The following CD109 variants were observed in gnomAD, a reference collection of about 807,000 sequenced individuals.
CD109 encodes CD109 molecule.
A neutral mutation model predicts 165.8 loss-of-function variants in CD109; 149 were observed. The observed-to-expected ratio is 0.90, with a 90% confidence interval of 0.79 to 1.03. The LOEUF is 1.03. Ranked by LOEUF, CD109 falls within the 50% of genes least tolerant of loss-of-function variation. The probability of loss-of-function intolerance (pLI) is 0.00; values close to 1 mark genes in which losing one functional copy is unlikely to be tolerated. For missense variants in CD109, 1,712 were observed against 1,677.8 expected, an observed-to-expected ratio of 1.02 and a Z score of -0.36; for synonymous variants, 585 against 592.1, an observed-to-expected ratio of 0.99 and a Z score of 0.18.
chr6:73,729,523 TA>T (rs1772272822), intron 3 of CD109, among the ~76,000 whole-genome samples: 3 of 147,084 alleles, frequency 2.0e-5, no homozygotes, highest in East Asian at 2.0e-4. Context: ...TTATTATTAT[TA>T]TTATTATTAT....
chr6:73,682,951 G>A, the CD109 span, among the ~76,000 whole-genome samples: 1 of 152,184 alleles, frequency 6.6e-6, no homozygotes, highest in African/African-American at 2.4e-5. Context: ...ACACAGCACA[G>A]GGACCCTGGG....
intron 23 of CD109, among the ~76,000 whole-genome samples, chr6:73,800,937 T>C (rs1413578631): frequency 6.6e-6 from 1 of 152,214 alleles, no homozygotes. Flanking sequence ...GCTTATAGTG[T>C]GTTTTGCCTT....
intron 2 of CD109, among the ~76,000 whole-genome samples, chr6:73,722,328 T>G (rs1373812252): frequency 2.0e-5 from 3 of 152,160 alleles, no homozygotes; most frequent in Admixed American, 6.5e-5. Flanking sequence ...CTCATGAGAT[T>G]GATATGATTA....
rs376312210 is a variant in CD109, at chr6:73,725,709, C to T, written c.276+2430C>T. 3.6e-4 allele frequency among the ~76,000 whole-genome samples: 55 copies of T among 152,032 alleles called. No homozygotes were observed. In the East Asian group the frequency reaches 7.3e-3, roughly 20 times the overall value. ...TGTATTTTTAGTAGGGACAGAGTTTCGCCATGTTGGTCTGGCTGGTCTTGA... is the reference window on the plus strand; with the variant it reads ...TGTATTTTTAGTAGGGACAGAGTTTTGCCATGTTGGTCTGGCTGGTCTTGA... On this transcript the variant is annotated intron_variant, in intron 3 of 32. Transcript: ENST00000287097.
chr6:73,697,635 C>A (rs1191956117), intron 2 of CD109, 63 bp downstream of exon 2: 1 of 1,473,650 alleles, frequency 6.8e-7, no homozygotes. Flanking sequence ...TTAATAAGGT[C>A]ATGTGTTAGG....
At position 73,746,122 on chromosome 6, in the gene CD109, G is replaced by A. The variant is rs541659741; in HGVS notation, c.633+9614G>A. On this transcript the variant is annotated intron_variant, in intron 5 of 32. Transcript: ENST00000287097. ...CAAAGCGGCCCTATATTATCTTAAC[G>A]CAGTGCACCCAGTGGTTATATCTTA... 5.3e-5 allele frequency among the ~76,000 whole-genome samples: 8 copies of A among 152,302 alleles called. 1 individual carries two copies. In the South Asian group the frequency reaches 1.4e-3, roughly 28 times the overall value.
chr6:73,683,645 C>T, the CD109 span, among the ~76,000 whole-genome samples: 2 of 152,218 alleles, frequency 1.3e-5, no homozygotes, highest in East Asian at 3.9e-4. Context: ...TGTATTAGTC[C>T]GTTTTCACAC....
Position 73,766,155 on chromosome 6 carries a change from G to T in CD109, c.1332+1G>T, listed in dbSNP as rs1489510902. 1 of 1,611,262 alleles carries T rather than the reference G, an allele frequency of 6.2e-7. No individual in the cohort carries two copies. On this transcript the variant is annotated splice_donor_variant, in intron 11 of 32. Coordinates refer to ENST00000287097, the MANE Select transcript of CD109 (RefSeq NM_133493.5). LOFTEE classifies it high-confidence loss of function. ...GGATTCCAGTGAGCTACAGTTGAAG[G>T]TGCCGTCTGTTTCCCATCATTGTGT...
At chr6:73,733,022 G>T (rs1365525189) in intron 4 of CD109, among the ~76,000 whole-genome samples, 2 of 152,156 alleles carry the variant, frequency 1.3e-5, no homozygotes, top group Admixed American at 1.3e-4. Flanking sequence ...GGGAAGTGAT[G>T]CTCAAATGTG....
intron 4 of CD109, among the ~76,000 whole-genome samples, chr6:73,731,758 TCA>T (rs1176417323): frequency 6.6e-6 from 1 of 152,206 alleles, no homozygotes. Context: ...TTCTAGAACC[TCA>T]GTTTCCTTAT....
At position 73,820,657 on chromosome 6, in the gene CD109, C is replaced by T. The variant is rs552112100; in HGVS notation, c.4162+94C>T. On this transcript the variant is annotated intron_variant, in intron 32 of 32. Coordinates refer to ENST00000287097, the MANE Select transcript of CD109 (RefSeq NM_133493.5). ...ACCACACATTGGATTGGTTCTGTGG[C>T]GAGGGCAGGATTTGGTAGGAGAAAG... 866 of 680,662 alleles carry T rather than the reference C, an allele frequency of 1.3e-3. 2 individuals are homozygous for T. The highest frequency in any genetic ancestry group is 1.5e-3 in the Non-Finnish European group (629 of 421,736). 42.2% of individuals were successfully genotyped at this position (680,662 alleles called of 1,614,324 possible).
Position 73,811,121 on chromosome 6 carries a change from A to AACCG in CD109, c.3677_3680dup (p.Leu1228ProfsTer18). 2 of 1,613,230 alleles carry AACCG rather than the reference A, an allele frequency of 1.2e-6. No individual in the cohort carries two copies. The highest frequency in any genetic ancestry group is 1.7e-6 in the Non-Finnish European group (2 of 1,179,488). ...TGTAAAGTTTCTGATTGACACACAC[A>AACCG]ACCGCTTACTCCTTCAGACAGCAGA... On this transcript the variant is annotated frameshift_variant, in exon 28 of 33. Transcript: ENST00000287097. LOFTEE classifies it high-confidence loss of function.
chr6:73,783,215 C>T (rs931240154), intron 18 of CD109, among the ~76,000 whole-genome samples: 86 of 152,186 alleles, frequency 5.7e-4, no homozygotes, highest in African/African-American at 1.9e-3. Context: ...TGATAAACCC[C>T]GTACCACCTG....
At chr6:73,690,323 G>T in the CD109 span, among the ~76,000 whole-genome samples, 144 of 152,242 alleles carry the variant, frequency 9.5e-4, 1 homozygote, top group African/African-American at 3.4e-3. Context: ...TTTGTGAAAG[G>T]CGAAGTTTCT....
chr6:73,697,346 A>T, intron 1 of CD109, 54 bp from the exon 2 acceptor site: 1 of 1,541,038 alleles, frequency 6.5e-7, no homozygotes, highest in Non-Finnish European at 8.9e-7. Flanking sequence ...GTCACAAAAG[A>T]AAGGAGATGT....
Position 73,810,840 on chromosome 6 carries a change from T to A in CD109, c.3547-152T>A, listed in dbSNP as rs943493375. On this transcript the variant is annotated intron_variant, in intron 27 of 32. Coordinates refer to ENST00000287097, the MANE Select transcript of CD109 (RefSeq NM_133493.5). ...GCAAACATTTTCTGAGCCTCTCCTG[T>A]ACTCTAGGCCAAGGACATTCAAATA... 5.7e-6 allele frequency: 4 copies of A among 702,280 alleles called. No homozygotes were observed. The Admixed American group carries it at 1.2e-4, about 21-fold the overall frequency. The allele number at this position is 702,280 out of a possible 1,614,324, so 43.5% of individuals were successfully genotyped here.
chr6:73,780,381 T>A, intron 15 of CD109, 43 bp from the exon 16 acceptor site: 1 of 1,150,132 alleles, frequency 8.7e-7, no homozygotes, highest in Non-Finnish European at 1.3e-6. Context: ...TGTGGAAAGT[T>A]GTTATGAATC....
chr6:73,749,632 T>A (rs1424692700), intron 5 of CD109, among the ~76,000 whole-genome samples: 2 of 152,244 alleles, frequency 1.3e-5, no homozygotes, highest in Non-Finnish European at 2.9e-5. Context: ...AATTTCAATA[T>A]AGGACTTCTG....
intron 5 of CD109, among the ~76,000 whole-genome samples, chr6:73,740,875 G>A (rs1339342194): frequency 1.3e-5 from 2 of 152,104 alleles, no homozygotes; most frequent in Non-Finnish European, 1.5e-5. Context: ...ACAGGCATGA[G>A]CCACTGTGCC....
Sources: allele counts gnomAD v4.1 joint callset (sites outside exome capture counted in the v4.1 genomes callset), GRCh38; gene constraint gnomAD v4.1.1; transcripts MANE v1.5; gene names NCBI Gene and HGNC (gene_info 2026-07-23, HGNC 2026-07-21).